IFT140: variants seen among roughly 807,000 people sequenced by gnomAD.
IFT140 encodes the protein intraflagellar transport protein 140 homolog.
A neutral mutation model predicts 164.6 loss-of-function variants in IFT140; 133 were observed. The ratio of observed to expected loss-of-function variants is 0.81; its 90% confidence interval spans 0.70 to 0.93. IFT140 has a LOEUF of 0.93. IFT140 is among the 40% of genes least tolerant of loss of function. The pLI is 0.00. For synonymous variants in IFT140, 860 were observed against 817.3 expected, an observed-to-expected ratio of 1.05 and a Z score of -0.89; for missense variants, 2,045 against 1,972.3, an observed-to-expected ratio of 1.04 and a Z score of -0.70.
rs2040116720 is a variant in IFT140 at position 1,510,851 on chromosome 16, T to TCC, written c.*91_*92dup. 8.5e-7 allele frequency: 1 copy of TCC among 1,178,000 alleles called. No homozygotes were observed. The highest frequency in any genetic ancestry group is 1.3e-5 in the South Asian group (1 of 76,822). The allele number at this position is 1,178,000 out of a possible 1,614,324, so 73.0% of individuals were successfully genotyped here. A position where few individuals can be genotyped will look rare whatever the true frequency, so the allele number is the denominator to read the frequency against. ...CGTATTCCAACACAGACATGTTTTT[T>TCC]CCCAGCAAAAATGCTGGCTTTGCCA... On this transcript the variant is annotated 3_prime_UTR_variant, in exon 31 of 31. Transcript: ENST00000426508.
chr16:1,526,910 G>A (rs1347106238), intron 19 of IFT140, 114 bp from the exon 20 acceptor site: 2 of 1,206,210 alleles, frequency 1.7e-6, no homozygotes, highest in African/African-American at 1.5e-5. Context: ...AAACGGGCAT[G>A]AGGAGGGGCC....
chr16:1,569,150 G>A lies in IFT140; in HGVS notation c.1653-816C>T, dbSNP rs1049180788. On this transcript the variant is annotated intron_variant, in intron 14 of 30. Transcript: ENST00000426508. Reference sequence around the variant, plus strand: ...CTCCCGAGTAGCTGGGCCTACAGGCGCCCGCCACCGCGCCCGGCTAATTTA... The same window carrying A: ...CTCCCGAGTAGCTGGGCCTACAGGCACCCGCCACCGCGCCCGGCTAATTTA... 3.3e-5 allele frequency among the ~76,000 whole-genome samples: 5 copies of A among 152,044 alleles called. No individual in the cohort carries two copies. In the South Asian group the frequency reaches 6.2e-4, roughly 19 times the overall value.
At chr16:1,544,019 CTTTT>C (rs768616715) in intron 19 of IFT140, among the ~76,000 whole-genome samples, 2 of 140,050 alleles carry the variant, frequency 1.4e-5, no homozygotes. Context: ...CACTACATTT[CTTTT>C]TTTTTTTTTT....
chr16:1,572,661 A>G (rs1421719340), intron 13 of IFT140, among the ~76,000 whole-genome samples: 1 of 152,194 alleles, frequency 6.6e-6, no homozygotes, highest in Non-Finnish European at 1.5e-5. Flanking sequence ...AACAACAACA[A>G]AAAAGAAAGC....
intron 16 of IFT140, among the ~76,000 whole-genome samples, chr16:1,565,051 G>A (rs901955124): frequency 1.4e-4 from 21 of 152,208 alleles, no homozygotes; most frequent in Non-Finnish European, 2.4e-4. Flanking sequence ...GGACGGGAAC[G>A]GACAGAAGGC....
chr16:1,546,111 C>A (rs2032150024), intron 19 of IFT140, among the ~76,000 whole-genome samples: 1 of 152,228 alleles, frequency 6.6e-6, no homozygotes, highest in Non-Finnish European at 1.5e-5. Context: ...TTGATTTGTG[C>A]AGATAGGCAC....
chr16:1,547,758 G>A (rs780341001), intron 19 of IFT140, among the ~76,000 whole-genome samples: 1 of 152,088 alleles, frequency 6.6e-6, no homozygotes, highest in Non-Finnish European at 1.5e-5. Context: ...CTGGTCTCAA[G>A]CTTCTGACCT....
rs2040645983 is a variant in IFT140 at position 1,525,132 on chromosome 16, C to T, written c.2864+99G>A. ...GCCGGGAGGACGCTGCCCACTCGTG[C>T]AGGAAGCACGGGAAAGGGAGCCGTC... is the stretch of plus-strand genomic sequence containing the variant. On this transcript the variant is annotated intron_variant, in intron 22 of 30. Coordinates refer to ENST00000426508, the MANE Select transcript of IFT140 (RefSeq NM_014714.4). 2.5e-6 allele frequency: 3 copies of T among 1,219,896 alleles called. No homozygotes were observed. The East Asian group carries it at 7.1e-5, about 29-fold the overall frequency. 75.6% of individuals were successfully genotyped at this position (1,219,896 alleles called of 1,614,324 possible).
chr16:1,558,189 C>T lies in IFT140; in HGVS notation c.2200-55G>A. The T allele has an allele frequency of 1.9e-6, 3 of 1,564,086 alleles. No homozygotes were observed. In the South Asian group the frequency reaches 3.3e-5, roughly 17 times the overall value. ...AATTCATATGTAAAGCTGAAGCCCT[C>T]ACCCAGACCTCGTCCTCTGGATTTA... On this transcript the variant is annotated intron_variant, in intron 18 of 30. Transcript: ENST00000426508.
rs77131583 is a variant in IFT140, at chr16:1,525,859, G to A, written c.2768+28C>T. The stretch of plus-strand genomic sequence containing the variant: ...CAAGCCAGGGCCATCCAGAGAGGCA[G>A]GGAAGAGGCCGCGAGGGCCGCACTC... On this transcript the variant is annotated intron_variant, in intron 21 of 30. Coordinates refer to ENST00000426508, the MANE Select transcript of IFT140 (RefSeq NM_014714.4). The A allele has an allele frequency of 1.0e-3, 1,492 of 1,499,006 alleles. 16 individuals are homozygous for A. The East Asian group carries it at 0.023, about 23-fold the overall frequency. 92.9% of individuals were successfully genotyped at this position (1,499,006 alleles called of 1,614,324 possible). A position where few individuals can be genotyped will look rare whatever the true frequency, so the allele number is the denominator to read the frequency against.
intron 19 of IFT140, chr16:1,532,298 G>C (rs1740896451): frequency 6.6e-6 from 1 of 152,314 alleles, no homozygotes; most frequent in South Asian, 2.1e-4. Flanking sequence ...AAACCTGACG[G>C]ACACGTCTGC....
chr16:1,552,375 AGCTCTCC>A (rs2032723461), intron 19 of IFT140, among the ~76,000 whole-genome samples: 1 of 151,598 alleles, frequency 6.6e-6, no homozygotes, highest in South Asian at 2.1e-4. Context: ...GGGTGTCCTG[AGCTCTCC>A]GCTGTGCCTG....
At chr16:1,555,323 C>T (rs1357556098) in intron 19 of IFT140, 3 of 397,114 alleles carry the variant, frequency 7.6e-6, no homozygotes, top group African/African-American at 2.0e-5. Context: ...GGTTAGGTGG[C>T]GCGAGGCTGC....
At position 1,570,026 on chromosome 16, in the gene IFT140, T is replaced by C. The variant is rs552443133; in HGVS notation, c.1652+1381A>G. Among the ~76,000 whole-genome samples, 63 of 152,378 alleles carry C rather than the reference T, an allele frequency of 4.1e-4. 1 individual carries two copies. Among genetic ancestry groups the C allele is most frequent in the African/African-American group, 1.5e-3 (63 of 41,594 alleles). On this transcript the variant is annotated intron_variant, in intron 14 of 30. Coordinates refer to ENST00000426508, the MANE Select transcript of IFT140 (RefSeq NM_014714.4). Reference sequence around the variant, plus strand: ...TCTTTTGGTGGGGTCTGTGTCTCTGTGACCCCCACCCTGCCATCTTTATGA... The same window carrying C: ...TCTTTTGGTGGGGTCTGTGTCTCTGCGACCCCCACCCTGCCATCTTTATGA...
At position 1,511,123 on chromosome 16, in the gene IFT140, G is replaced by T. The variant is rs1465721813; in HGVS notation, c.4210C>A (p.Arg1404=). The change falls in exon 31 of 31, where the codon CGG becomes AGG. Residue 1404 remains arginine, a synonymous_variant. Transcript: ENST00000426508. The stretch of plus-strand genomic sequence containing the variant: ...GACATGTTGGCCAAGGGAAGCCGCC[G>T]CCGCATCTCCTCCAGGAATCTGTAG... The part of the protein sequence containing the change: ...TAYRFLEEMR[R]RLPLANMSYY... The T allele has an allele frequency of 6.2e-7, 1 of 1,609,108 alleles. No individual in the cohort carries two copies. Among genetic ancestry groups the T allele is most frequent in the Non-Finnish European group, 8.5e-7 (1 of 1,178,506 alleles).
Position 1,530,043 on chromosome 16 carries a change from G to A in IFT140, c.2400-3247C>T, listed in dbSNP as rs547445831. Among the ~76,000 whole-genome samples the A allele has an allele frequency of 1.1e-4, 17 of 152,154 alleles. No homozygotes were observed. The East Asian group carries it at 1.9e-3, about 17-fold the overall frequency. ...GGTGGCAGCACTGGGGCCTCAGTGC[G>A]TGAGGCGTGATGGCCGCTTCGTAAA... is the stretch of plus-strand genomic sequence containing the variant. On this transcript the variant is annotated intron_variant, in intron 19 of 30. Coordinates refer to ENST00000426508, the MANE Select transcript of IFT140 (RefSeq NM_014714.4).
chr16:1,537,889 A>G (rs1182548667), intron 19 of IFT140, among the ~76,000 whole-genome samples: 1 of 152,196 alleles, frequency 6.6e-6, no homozygotes, highest in Non-Finnish European at 1.5e-5. Flanking sequence ...CCACACATCA[A>G]ACGGGCACGT....
intron 8 of IFT140, among the ~76,000 whole-genome samples, 194 bp from the exon 9 acceptor site, chr16:1,587,498 G>A (rs1002424035): frequency 6.6e-6 from 1 of 152,246 alleles, no homozygotes. Flanking sequence ...GAAAGCCGTT[G>A]CCGATAGATG....
chr16:1,519,943 C>T lies in IFT140; in HGVS notation c.3978G>A (p.Glu1326=), dbSNP rs758053488. The change falls in exon 29 of 31, where the codon GAG becomes GAA. Residue 1326 remains glutamate (E), a synonymous_variant. Transcript: ENST00000426508. ...KAKAKSPLDQ[E]TRLAQLQSRM... ...TGCTCTGCAGCTGCGCCAGCCTGGT[C>T]TCCTGGTCCAGGGGGCTCTTGGCCT... 2.3e-5 allele frequency: 37 copies of T among 1,604,906 alleles called. No homozygotes were observed. The highest frequency in any genetic ancestry group is 8.5e-7 in the Non-Finnish European group (1 of 1,176,432).
Sources: allele counts gnomAD v4.1 joint callset (sites outside exome capture counted in the v4.1 genomes callset), GRCh38; gene constraint gnomAD v4.1.1; transcripts MANE v1.5; gene names NCBI Gene and HGNC (gene_info 2026-07-23, HGNC 2026-07-21).